Variants in STRA8 observed in about 807,000 individuals in gnomAD.
The protein encoded by STRA8 is stimulated by retinoic acid gene 8 protein homolog.
In STRA8, 18 loss-of-function variants were observed where a neutral mutation model predicts 37.1. The observed-to-expected ratio is 0.48, with a 90% CI of 0.34 to 0.72. The LOEUF is 0.72. Among genes scored for constraint, STRA8 ranks in the 30% least tolerant of loss-of-function variants. STRA8 has a pLI of 0.01. For synonymous variants in STRA8, 168 were observed against 162.9 expected (o/e 1.03, Z -0.24); for missense variants, 357 against 410.4 (o/e 0.87, Z 1.13).
intron 6 of STRA8, among the ~76,000 whole-genome samples, chr7:135,249,832 T>C (rs906510565): frequency 3.3e-5 from 5 of 152,256 alleles, no homozygotes; most frequent in Non-Finnish European, 7.3e-5. Flanking sequence ...CTCCAAATCA[T>C]GGAAACAGCT....
At position 135,258,402 on chromosome 7, in the gene STRA8, A is replaced by T. The variant is rs1481465546; in HGVS notation, c.1066-16A>T. The T allele has an allele frequency of 6.3e-7, 1 of 1,590,764 alleles. No homozygotes were observed. Among genetic ancestry groups the T allele is most frequent in the Non-Finnish European group, 8.6e-7 (1 of 1,167,336 alleles). ...CACAGATAAAAAGTGACCCTCTTCCACCCTGTGTCTTGCAGGAAGCATCCT... is the reference window on the plus strand; with the variant it reads ...CACAGATAAAAAGTGACCCTCTTCCTCCCTGTGTCTTGCAGGAAGCATCCT... On this transcript the variant is annotated splice_polypyrimidine_tract_variant and intron_variant, in intron 8 of 8. Coordinates refer to ENST00000662584, the MANE Select transcript of STRA8 (RefSeq NM_001394401.1).
At chr7:135,253,147 C>T (rs545433963) in intron 7 of STRA8, among the ~76,000 whole-genome samples, 5 of 152,182 alleles carry the variant, frequency 3.3e-5, no homozygotes, top group Non-Finnish European at 7.3e-5. Context: ...GTTGGCCAGG[C>T]TGGTCTCGAA....
chr7:135,251,898 G>A, intron 7 of STRA8, 29 bp downstream of exon 7: 1 of 1,606,170 alleles, frequency 6.2e-7, no homozygotes, highest in South Asian at 1.1e-5. Flanking sequence ...GATAGCATGT[G>A]CCCCTGTGTG....
At position 135,235,074 on chromosome 7, in the gene STRA8, G is replaced by A. The variant is rs145341320; in HGVS notation, c.-7+1171G>A. On this transcript the variant is annotated intron_variant, in intron 1 of 8. Coordinates refer to ENST00000662584, the MANE Select transcript of STRA8 (RefSeq NM_001394401.1). ...TTTTGTAGAAATGGGGTTTGGCCAC[G>A]TTGCCCAGTCTGGTCTCAAACTCCT... 2.2e-3 allele frequency among the ~76,000 whole-genome samples: 337 copies of A among 152,170 alleles called. 1 individual carries two copies. The highest frequency in any genetic ancestry group is 7.2e-3 in the African/African-American group (300 of 41,494).
intron 2 of STRA8, among the ~76,000 whole-genome samples, chr7:135,242,455 C>T (rs544536231): frequency 4.6e-5 from 7 of 152,292 alleles, no homozygotes; most frequent in East Asian, 1.9e-4. Flanking sequence ...ATGCAGAATG[C>T]GCCTCTTCCA....
chr7:135,249,484 T>G (rs1585477641), intron 6 of STRA8, among the ~76,000 whole-genome samples: 2 of 152,164 alleles, frequency 1.3e-5, no homozygotes, highest in African/African-American at 4.8e-5. Flanking sequence ...CTCTGGAGGC[T>G]GAGGCAGGAT....
chr7:135,255,101 T>A lies in STRA8; in HGVS notation c.954-13T>A. 1 of 1,608,634 alleles carries A rather than the reference T, an allele frequency of 6.2e-7. No individual in the cohort carries two copies. Among genetic ancestry groups the A allele is most frequent in the Non-Finnish European group, 8.5e-7 (1 of 1,175,114 alleles). ...CTGAATATTTGTTGCCTTTTCTTCC[T>A]TTCTGTTGTCAGTTCAGTGCTTGCC... On this transcript the variant is annotated splice_polypyrimidine_tract_variant and intron_variant, in intron 7 of 8. Transcript: ENST00000662584.
chr7:135,246,846 CTCTTTT>C lies in STRA8; in HGVS notation c.879+146_879+151del, dbSNP rs1396233847. The C allele has an allele frequency of 2.8e-5, 23 of 807,192 alleles. No homozygotes were observed. Among genetic ancestry groups the C allele is most frequent in the Non-Finnish European group, 3.6e-5 (20 of 553,780 alleles). 50.0% of individuals were successfully genotyped at this position (807,192 alleles called of 1,614,324 possible). ...AGGTCGGTTTCTGATTTTCTTTTTT[CTCTTTT>C]TTTTTTTTTTGAGACGGAGTCTCGC... On this transcript the variant is annotated intron_variant, in intron 6 of 8. Coordinates refer to ENST00000662584, the MANE Select transcript of STRA8 (RefSeq NM_001394401.1). This position sits in a 1 kb window ranked among gnomAD's most constrained non-coding sequence, Gnocchi z 5.4.
At chr7:135,257,211 A>G (rs1223468741) in intron 8 of STRA8, among the ~76,000 whole-genome samples, 1 of 152,186 alleles carries the variant, frequency 6.6e-6, no homozygotes, top group Non-Finnish European at 1.5e-5. Flanking sequence ...CATTCATTAG[A>G]TGGTTGACTG....
chr7:135,232,479 C>CA (rs1320187738), upstream of STRA8, among the ~76,000 whole-genome samples: 13 of 151,822 alleles, frequency 8.6e-5, no homozygotes, highest in African/African-American at 3.1e-4. Context: ...CCTGTCTCTA[C>CA]AAAAAAATTA....
chr7:135,251,946 G>C (rs1832640887), intron 7 of STRA8, 77 bp downstream of exon 7: 5 of 1,405,596 alleles, frequency 3.6e-6, no homozygotes, highest in East Asian at 4.6e-5. Flanking sequence ...GTGTGTATGT[G>C]TGAGTTTGCA....
intron 1 of STRA8, among the ~76,000 whole-genome samples, chr7:135,240,277 A>C (rs1409896001): frequency 2.6e-5 from 4 of 152,094 alleles, no homozygotes; most frequent in Non-Finnish European, 5.9e-5. Flanking sequence ...GACCCTGTAT[A>C]ATCTCCATCT....
In STRA8 at chr7:135,246,681, G is replaced by A. The variant is rs1317707443; in HGVS notation, c.858G>A (p.Ser286=). The A allele has an allele frequency of 3.9e-6, 6 of 1,528,510 alleles. No homozygotes were observed. The highest frequency in any genetic ancestry group is 5.2e-6 in the Non-Finnish European group (6 of 1,144,290). The allele number at this position is 1,528,510 out of a possible 1,614,324, so 94.7% of individuals were successfully genotyped here. A position where few individuals can be genotyped will look rare whatever the true frequency, so the allele number is the denominator to read the frequency against. ...SGVDSQGASC[S]LVSTPEEILF... The stretch of plus-strand genomic sequence containing the variant: ...TGGACAGCCAGGGGGCCAGCTGCTC[G>A]CTGGTCTCCACGCCCGAGGAGGTGA... The change falls in exon 6 of 9, where the codon TCG becomes TCA. Residue 286 remains serine (S), a synonymous_variant. Transcript: ENST00000662584. The surrounding 1 kb of genome is among the most constrained non-coding windows in gnomAD (Gnocchi z 5.4).
At chr7:135,234,681 G>A (rs920093545) in intron 1 of STRA8, among the ~76,000 whole-genome samples, 1 of 152,172 alleles carries the variant, frequency 6.6e-6, no homozygotes, top group Non-Finnish European at 1.5e-5. Context: ...AAAATATGTG[G>A]TAATGAAAGT....
At chr7:135,232,037 A>G (rs900991954), upstream of STRA8, 30 of 1,549,894 alleles carry the variant, frequency 1.9e-5, no homozygotes, top group Non-Finnish European at 2.5e-5. Flanking sequence ...AGGCTGTGGC[A>G]GGTAAATAAG....
chr7:135,249,764 G>A (rs1471898871), intron 6 of STRA8, among the ~76,000 whole-genome samples: 2 of 152,258 alleles, frequency 1.3e-5, no homozygotes, highest in Non-Finnish European at 2.9e-5. Context: ...GACTGTGCCA[G>A]CACGAACACT....
intron 1 of STRA8, 73 bp from the exon 2 acceptor site, chr7:135,240,446 T>C: frequency 6.7e-7 from 1 of 1,493,574 alleles, no homozygotes; most frequent in African/African-American, 1.4e-5. Context: ...CTGCCTCAAT[T>C]TGCCTTCCTT....
chr7:135,243,530 C>A, intron 4 of STRA8, 120 bp downstream of exon 4: 1 of 764,176 alleles, frequency 1.3e-6, no homozygotes, highest in Non-Finnish European at 2.1e-6. Context: ...CTGCTGCTCA[C>A]CATTCAAAAC....
chr7:135,255,260 C>T lies in STRA8; in HGVS notation c.1065+35C>T, dbSNP rs368206244. 42 of 1,543,838 alleles carry T rather than the reference C, an allele frequency of 2.7e-5. No individual in the cohort carries two copies. The East Asian group carries it at 5.6e-4, about 21-fold the overall frequency. On this transcript the variant is annotated intron_variant, in intron 8 of 8. Transcript: ENST00000662584. ...AGTAGAGGGCCGTGGTACCTCTGCCCACCTTGCTTAGATAGCAAAAAGGGC... is the reference window on the plus strand; with the variant it reads ...AGTAGAGGGCCGTGGTACCTCTGCCTACCTTGCTTAGATAGCAAAAAGGGC...
Sources: allele counts gnomAD v4.1 joint callset (sites outside exome capture counted in the v4.1 genomes callset), GRCh38; gene constraint gnomAD v4.1.1; non-coding constraint Gnocchi (gnomAD v3.1); transcripts MANE v1.5; gene names NCBI Gene and HGNC (gene_info 2026-07-23, HGNC 2026-07-21).